The following IPCEF1 variants were observed in gnomAD, a reference collection of about 807,000 sequenced individuals.
The protein encoded by IPCEF1 is interaction protein for cytohesin exchange factors 1.
In IPCEF1, 31 loss-of-function variants were observed where a neutral mutation model predicts 50.9. The ratio of observed to expected loss-of-function variants is 0.61; its 90% CI spans 0.46 to 0.82. The LOEUF (loss-of-function observed/expected upper bound fraction) is 0.82. Among genes scored for constraint, IPCEF1 ranks in the 40% least tolerant of loss-of-function variants. The pLI is 0.00. For missense variants in IPCEF1, 458 were observed against 514.0 expected, an observed-to-expected ratio of 0.89 and a Z score of 1.05; for synonymous variants, 181 against 192.0, an observed-to-expected ratio of 0.94 and a Z score of 0.47.
chr6:154,298,340 T>C (rs1206384544), intron 1 of IPCEF1, among the ~76,000 whole-genome samples: 1 of 152,240 alleles, frequency 6.6e-6, no homozygotes, highest in African/African-American at 2.4e-5. Flanking sequence ...CACCCCATTT[T>C]GATGTAACGA....
chr6:154,169,439 C>T (rs1799697363), intron 10 of IPCEF1, among the ~76,000 whole-genome samples: 1 of 152,178 alleles, frequency 6.6e-6, no homozygotes, highest in African/African-American at 2.4e-5. Context: ...AGACAAAATT[C>T]ATCTCCATCT....
chr6:154,166,844 T>C (rs2128552964), intron 11 of IPCEF1, among the ~76,000 whole-genome samples: 1 of 152,370 alleles, frequency 6.6e-6, no homozygotes, highest in South Asian at 2.1e-4. Context: ...ATCAGCTTCG[T>C]ACATACTGTG....
chr6:154,304,232 T>C (rs899671050), intron 1 of IPCEF1, among the ~76,000 whole-genome samples: 2 of 151,988 alleles, frequency 1.3e-5, no homozygotes, highest in African/African-American at 4.8e-5. Flanking sequence ...AAAAAAATTT[T>C]TTTAATTAAA....
intron 1 of IPCEF1, among the ~76,000 whole-genome samples, chr6:154,327,199 G>A (rs1056699076): frequency 9.2e-5 from 14 of 152,084 alleles, no homozygotes; most frequent in African/African-American, 3.4e-4. Context: ...TGCAACAAAA[G>A]CAAAAATTGA....
chr6:154,215,909 A>G (rs1778357528), intron 7 of IPCEF1, among the ~76,000 whole-genome samples: 1 of 152,238 alleles, frequency 6.6e-6, no homozygotes, highest in Admixed American at 6.5e-5. Context: ...AGAAATGCAC[A>G]CTCAAACACA....
At chr6:154,167,851 C>T (rs1048610788) in intron 11 of IPCEF1, 69 bp downstream of exon 11, 16 of 1,180,186 alleles carry the variant, frequency 1.4e-5, no homozygotes, top group Non-Finnish European at 1.6e-5. Flanking sequence ...TAGCAAGAAT[C>T]TCTCTGCAGA....
chr6:154,210,679 A>G (rs1777887052), intron 9 of IPCEF1, among the ~76,000 whole-genome samples: 1 of 152,236 alleles, frequency 6.6e-6, no homozygotes, highest in African/African-American at 2.4e-5. Context: ...TTTAAAAAGG[A>G]GAAGGATTAC....
At chr6:154,342,879 G>T (rs187776589) in intron 1 of IPCEF1, among the ~76,000 whole-genome samples, 28 of 152,330 alleles carry the variant, frequency 1.8e-4, no homozygotes, top group Non-Finnish European at 4.4e-5. Context: ...TTGGGAGGCT[G>T]AGGCCAGTGG....
Position 154,220,423 on chromosome 6 carries a change from G to A in IPCEF1, c.392+834C>T, listed in dbSNP as rs530608186. Among the ~76,000 whole-genome samples, 405 of 152,266 alleles carry A rather than the reference G, an allele frequency of 2.7e-3. 2 individuals are homozygous for A. The highest frequency in any genetic ancestry group is 0.013 in the South Asian group (63 of 4,830). On this transcript the variant is annotated intron_variant, in intron 7 of 11. Transcript: ENST00000367220. The stretch of plus-strand genomic sequence containing the variant: ...CTTAGTTCCAGCACTTTGAGAGGCC[G>A]AGGTGGGTGGATCACTTGAGGTCAG...
rs966929929 is a variant in IPCEF1, at chr6:154,239,340, A to G, written c.246+7251T>C. ...AAATACATTCAAGGATCTGCAAAGGAAAATAATTGTTAGAACACAATAATA... is the reference window on the plus strand; with the variant it reads ...AAATACATTCAAGGATCTGCAAAGGGAAATAATTGTTAGAACACAATAATA... On this transcript the variant is annotated intron_variant, in intron 5 of 11. Transcript: ENST00000367220. 3.3e-5 allele frequency among the ~76,000 whole-genome samples: 5 copies of G among 152,260 alleles called. No homozygotes were observed. The South Asian group carries it at 1.0e-3, about 31-fold the overall frequency.
intron 1 of IPCEF1, among the ~76,000 whole-genome samples, chr6:154,343,697 G>C (rs1783965743): frequency 6.6e-6 from 1 of 152,194 alleles, no homozygotes; most frequent in Non-Finnish European, 1.5e-5. Flanking sequence ...AGGTGTTGTT[G>C]AGAAATTATT....
chr6:154,351,898 C>T (rs1055419485), intron 1 of IPCEF1, among the ~76,000 whole-genome samples: 1 of 152,180 alleles, frequency 6.6e-6, no homozygotes, highest in Non-Finnish European at 1.5e-5. Flanking sequence ...AACCAAATAC[C>T]GCATGTTCTC....
intron 5 of IPCEF1, among the ~76,000 whole-genome samples, chr6:154,223,463 G>A (rs762383015): frequency 1.3e-5 from 2 of 152,122 alleles, no homozygotes; most frequent in Non-Finnish European, 2.9e-5. Context: ...AAGAGAAGTG[G>A]CATGACATGA....
rs1049130667 is a variant in IPCEF1, at chr6:154,168,193, A to C, written c.911-80T>G. The C allele has an allele frequency of 9.4e-7, 1 of 1,067,564 alleles. No homozygotes were observed. The highest frequency in any genetic ancestry group is 1.6e-5 in the African/African-American group (1 of 63,706). The allele number at this position is 1,067,564 out of a possible 1,614,324, so 66.1% of individuals were successfully genotyped here. Reference sequence around the variant, plus strand: ...AGAGAACATTCAATACTGTGGTCCCAAGGCACGGCCCCACTGGCACCCTCA... The same window carrying C: ...AGAGAACATTCAATACTGTGGTCCCCAGGCACGGCCCCACTGGCACCCTCA... On this transcript the variant is annotated intron_variant, in intron 10 of 11. Coordinates refer to ENST00000367220, the MANE Select transcript of IPCEF1 (RefSeq NM_001130700.2). This position sits in a 1 kb window ranked among gnomAD's most constrained non-coding sequence, Gnocchi z 4.1.
intron 2 of IPCEF1, among the ~76,000 whole-genome samples, chr6:154,276,302 A>G (rs1224590804): frequency 7.5e-6 from 1 of 133,270 alleles, no homozygotes; most frequent in Admixed American, 8.1e-5. Context: ...AGAAAAGAAA[A>G]GAGGAAGGGA....
At chr6:154,306,754 T>G (rs1356567031) in intron 1 of IPCEF1, 1 of 152,290 alleles carries the variant, frequency 6.6e-6, no homozygotes, top group Non-Finnish European at 1.5e-5. Context: ...ATGAGCCCAG[T>G]TGATGACTCT....
intron 1 of IPCEF1, among the ~76,000 whole-genome samples, chr6:154,315,980 C>T (rs1429532510): frequency 6.6e-6 from 1 of 152,122 alleles, no homozygotes; most frequent in African/African-American, 2.4e-5. Context: ...GTGCCTCAGC[C>T]TCCCAAGTAG....
chr6:154,188,382 C>T (rs1057276092), intron 10 of IPCEF1, among the ~76,000 whole-genome samples: 68 of 152,184 alleles, frequency 4.5e-4, no homozygotes, highest in African/African-American at 1.6e-3. Context: ...GGTAAAGAGA[C>T]CAATTTCATG....
In IPCEF1 at chr6:154,159,667, G is replaced by A. The variant is rs143820634; in HGVS notation, c.*161C>T. 2.0e-5 allele frequency: 13 copies of A among 638,212 alleles called. No individual in the cohort carries two copies. The highest frequency in any genetic ancestry group is 1.5e-4 in the African/African-American group (8 of 54,332). The allele number at this position is 638,212 out of a possible 1,614,324, so 39.5% of individuals were successfully genotyped here. On this transcript the variant is annotated 3_prime_UTR_variant, in exon 12 of 12. Transcript: ENST00000367220. ...TACGACTGAAATGAGGAGCCCTGGTGTATTCGGTGATTATCTTCATCTAAC... is the reference window on the plus strand; with the variant it reads ...TACGACTGAAATGAGGAGCCCTGGTATATTCGGTGATTATCTTCATCTAAC...
Sources: allele counts gnomAD v4.1 joint callset (sites outside exome capture counted in the v4.1 genomes callset), GRCh38; gene constraint gnomAD v4.1.1; non-coding constraint Gnocchi (gnomAD v3.1); transcripts MANE v1.5; gene names NCBI Gene and HGNC (gene_info 2026-07-23, HGNC 2026-07-21).